The following OPRD1 variants were observed in gnomAD, a reference collection of about 807,000 sequenced individuals.
The protein encoded by OPRD1 is opioid receptor delta 1.
In OPRD1, 19 loss-of-function variants were observed where a neutral mutation model predicts 17.5. The observed-to-expected ratio is 1.09, with a 90% CI of 0.76 to 1.60. OPRD1 has a LOEUF of 1.60. Among genes scored for constraint, OPRD1 ranks in the 40% most tolerant of loss-of-function variants. OPRD1 has a pLI of 0.00. For synonymous variants in OPRD1, 256 were observed against 240.9 expected (o/e 1.06, Z -0.58); for missense variants, 483 against 547.2 (o/e 0.88, Z 1.17).
At chr1:28,823,190 C>CTTTT (rs773578102) in intron 1 of OPRD1, among the ~76,000 whole-genome samples, 13 of 101,906 alleles carry the variant, frequency 1.3e-4, no homozygotes, top group African/African-American at 1.7e-4. Flanking sequence ...CTTCTGTAGT[C>CTTTT]TTTTTTTTTT....
At chr1:28,861,171 T>G (rs1183100950) in intron 2 of OPRD1, among the ~76,000 whole-genome samples, 1 of 152,176 alleles carries the variant, frequency 6.6e-6, no homozygotes, top group Non-Finnish European at 1.5e-5. Flanking sequence ...ACCCACTCTG[T>G]CTGTGGATCC....
chr1:28,861,430 A>C (rs1195800297), intron 2 of OPRD1, among the ~76,000 whole-genome samples: 1 of 152,048 alleles, frequency 6.6e-6, no homozygotes, highest in Non-Finnish European at 1.5e-5. Flanking sequence ...TCCCAGAAGG[A>C]AGGAAGTTTT....
In OPRD1 at chr1:28,859,349, G is replaced by A. The variant is rs371988838; in HGVS notation, c.577+46G>A. On this transcript the variant is annotated intron_variant, in intron 2 of 2. Coordinates refer to ENST00000234961, the MANE Select transcript of OPRD1 (RefSeq NM_000911.4). ...TGGCACAGGCCACTGACCACAGGAGGCAGTACATGGGCCTTTGTGGGCTTG... is the reference window on the plus strand; with the variant it reads ...TGGCACAGGCCACTGACCACAGGAGACAGTACATGGGCCTTTGTGGGCTTG... 63 of 1,528,604 alleles carry A rather than the reference G, an allele frequency of 4.1e-5. No homozygotes were observed. The African/African-American group carries it at 8.2e-4, about 20-fold the overall frequency. 94.7% of individuals were successfully genotyped at this position (1,528,604 alleles called of 1,614,324 possible). A position where few individuals can be genotyped will look rare whatever the true frequency, so the allele number is the denominator to read the frequency against.
intron 1 of OPRD1, among the ~76,000 whole-genome samples, chr1:28,818,686 G>A (rs996136865): frequency 3.3e-5 from 5 of 152,206 alleles, no homozygotes; most frequent in Non-Finnish European, 7.4e-5. Context: ...CACCTGCTAG[G>A]TGCTGAGCTT....
chr1:28,827,202 G>C (rs745670060), intron 1 of OPRD1, among the ~76,000 whole-genome samples: 15 of 152,170 alleles, frequency 9.9e-5, no homozygotes, highest in Non-Finnish European at 2.2e-4. Context: ...AGGCTGAGGT[G>C]GGGGGATTGC....
At chr1:28,815,959 A>G (rs2088669208) in intron 1 of OPRD1, among the ~76,000 whole-genome samples, 1 of 152,162 alleles carries the variant, frequency 6.6e-6, no homozygotes, top group Non-Finnish European at 1.5e-5. Context: ...CGGGCTAGTG[A>G]CGAGCTGTCT....
intron 1 of OPRD1, among the ~76,000 whole-genome samples, chr1:28,826,083 C>T (rs568053765): frequency 6.6e-5 from 10 of 152,206 alleles, no homozygotes; most frequent in South Asian, 6.2e-4. Context: ...TGAAGTCAAC[C>T]GAAACAGGCA....
intron 1 of OPRD1, among the ~76,000 whole-genome samples, chr1:28,830,743 C>T (rs998580530): frequency 2.0e-5 from 3 of 152,276 alleles, no homozygotes; most frequent in South Asian, 2.1e-4. Flanking sequence ...GTGCTTTAAA[C>T]GAGGCATACC....
chr1:28,844,495 T>C (rs1172392265), intron 1 of OPRD1, among the ~76,000 whole-genome samples: 1 of 152,090 alleles, frequency 6.6e-6, no homozygotes, highest in East Asian at 1.9e-4. Flanking sequence ...TTTGCCATGT[T>C]GGCCAGGCTG....
chr1:28,831,589 CT>C (rs2088809643), intron 1 of OPRD1, among the ~76,000 whole-genome samples: 1 of 152,066 alleles, frequency 6.6e-6, no homozygotes, highest in Admixed American at 6.6e-5. Flanking sequence ...GAACTGCTGA[CT>C]TTTTTCTTTC....
intron 1 of OPRD1, among the ~76,000 whole-genome samples, chr1:28,858,561 T>A (rs1430987710): frequency 5.3e-5 from 8 of 151,286 alleles, no homozygotes; most frequent in Non-Finnish European, 1.0e-4. Context: ...TTTTTTTTTT[T>A]TGAGACAGAG....
At chr1:28,827,242 G>T (rs771803117) in intron 1 of OPRD1, among the ~76,000 whole-genome samples, 2 of 152,206 alleles carry the variant, frequency 1.3e-5, no homozygotes, top group Admixed American at 1.3e-4. Flanking sequence ...GTTGTGGTGA[G>T]CTGAGATTGC....
At chr1:28,838,237 G>C (rs959965608) in intron 1 of OPRD1, among the ~76,000 whole-genome samples, 1 of 152,092 alleles carries the variant, frequency 6.6e-6, no homozygotes. Flanking sequence ...CTAGAATGTA[G>C]ACATCTGCCA....
At chr1:28,852,960 T>C (rs759943918) in intron 1 of OPRD1, among the ~76,000 whole-genome samples, 14 of 152,120 alleles carry the variant, frequency 9.2e-5, no homozygotes, top group Non-Finnish European at 1.6e-4. Context: ...CCTCAGGTGA[T>C]CTACCCACCT....
intron 1 of OPRD1, among the ~76,000 whole-genome samples, chr1:28,854,587 G>A (rs1438008380): frequency 2.6e-5 from 4 of 151,902 alleles, no homozygotes; most frequent in Admixed American, 1.3e-4. Flanking sequence ...GGAGGCTGCC[G>A]CAGTGTCCCT....
intron 1 of OPRD1, among the ~76,000 whole-genome samples, chr1:28,813,061 AG>A: frequency 6.6e-6 from 1 of 152,276 alleles, no homozygotes; most frequent in Admixed American, 6.5e-5. Context: ...CAGGGCGGAC[AG>A]GAGGGTGCTG....
chr1:28,858,705 C>A (rs1002868947), intron 1 of OPRD1, among the ~76,000 whole-genome samples: 4 of 151,900 alleles, frequency 2.6e-5, no homozygotes, highest in African/African-American at 9.7e-5. Context: ...ACCACCACAC[C>A]CAGCTAATTT....
intron 1 of OPRD1, among the ~76,000 whole-genome samples, chr1:28,848,718 G>A (rs962734970): frequency 2.0e-5 from 3 of 152,196 alleles, no homozygotes; most frequent in Non-Finnish European, 4.4e-5. Flanking sequence ...AGTACTGAGT[G>A]GTTACCAGAT....
At chr1:28,852,646 A>T (rs1396475974) in intron 1 of OPRD1, among the ~76,000 whole-genome samples, 1 of 151,232 alleles carries the variant, frequency 6.6e-6, no homozygotes, top group Non-Finnish European at 1.5e-5. Context: ...TAGCCATTGC[A>T]CTCCAGCCTG....
Sources: gnomAD v4.1 joint callset for allele counts (sites outside exome capture counted in the v4.1 genomes callset) on GRCh38, gnomAD v4.1.1 for gene constraint, MANE v1.5 for transcripts, NCBI Gene and HGNC (gene_info 2026-07-23, HGNC 2026-07-21) for gene names.